Variants in PTPRT observed in about 807,000 individuals in gnomAD.
PTPRT encodes receptor-type tyrosine-protein phosphatase T.
Under a neutral mutation model 176.8 loss-of-function variants are expected in PTPRT, and 56 were observed. That is an observed-to-expected ratio of 0.32 (90% CI 0.26 to 0.40). PTPRT has a LOEUF of 0.40. PTPRT is among the 10% of genes least tolerant of loss of function. PTPRT has a pLI of 1.00. For missense variants in PTPRT, 1,540 were observed against 1,908.2 expected, an observed-to-expected ratio of 0.81 and a Z score of 3.60; for synonymous variants, 783 against 739.0, an observed-to-expected ratio of 1.06 and a Z score of -0.96.
At chr20:42,931,748 T>TTG (rs1299566793) in intron 1 of PTPRT, among the ~76,000 whole-genome samples, 1 of 152,128 alleles carries the variant, frequency 6.6e-6, no homozygotes, top group Non-Finnish European at 1.5e-5. Flanking sequence ...TCAACAAGTA[T>TTG]TTGTCAAAGG....
chr20:43,084,114 G>A (rs2011539878), intron 1 of PTPRT, among the ~76,000 whole-genome samples: 1 of 152,086 alleles, frequency 6.6e-6, no homozygotes, highest in African/African-American at 2.4e-5. Flanking sequence ...ATTACTCTTG[G>A]GTAGATGCCT....
intron 15 of PTPRT, among the ~76,000 whole-genome samples, chr20:42,214,765 G>A (rs2055728794): frequency 2.0e-5 from 3 of 152,230 alleles, no homozygotes; most frequent in Non-Finnish European, 2.9e-5. Context: ...GCAGCAGAAA[G>A]CCCGAAACAC....
At chr20:43,170,356 G>T (rs1239711450) in intron 1 of PTPRT, among the ~76,000 whole-genome samples, 1 of 152,078 alleles carries the variant, frequency 6.6e-6, no homozygotes, top group Non-Finnish European at 1.5e-5. Flanking sequence ...GAAATTTAAA[G>T]CTCAGAGAGG....
At chr20:43,042,917 T>C (rs1204510561) in intron 1 of PTPRT, among the ~76,000 whole-genome samples, 1 of 152,190 alleles carries the variant, frequency 6.6e-6, no homozygotes, top group Non-Finnish European at 1.5e-5. Context: ...ATTTTGCCTG[T>C]ACTCCAACCA....
chr20:42,256,984 A>G (rs564302451), intron 13 of PTPRT, among the ~76,000 whole-genome samples: 1 of 152,306 alleles, frequency 6.6e-6, no homozygotes, highest in South Asian at 2.1e-4. Flanking sequence ...ATCTCTTATT[A>G]AAGTCTCCCA....
At chr20:43,034,425 C>T (rs1868637579) in intron 1 of PTPRT, among the ~76,000 whole-genome samples, 1 of 151,868 alleles carries the variant, frequency 6.6e-6, no homozygotes, top group African/African-American at 2.4e-5. Context: ...CACGGGAATG[C>T]CTGGTGTGGC....
intron 2 of PTPRT, among the ~76,000 whole-genome samples, chr20:42,860,192 T>C (rs1052498565): frequency 1.3e-5 from 2 of 152,146 alleles, no homozygotes; most frequent in African/African-American, 4.8e-5. Context: ...GTCTATAACA[T>C]GTACACATGC....
At chr20:43,164,614 G>A (rs73909576) in intron 1 of PTPRT, among the ~76,000 whole-genome samples, 6,514 of 152,240 alleles carry the variant, frequency 0.043, 140 homozygotes, top group East Asian at 0.062. Flanking sequence ...CTAACACAGT[G>A]CCCACAAACC....
rs1569039036 is a variant in PTPRT at position 42,634,077 on chromosome 20, T to TATATA, written c.1153+43784_1153+43788dup. On this transcript the variant is annotated intron_variant, in intron 7 of 30. Transcript: ENST00000373187. ...TTATAAATATATAATATATATATAA[T>TATATA]ATATATATAATATAATAATATATAT... is the stretch of plus-strand genomic sequence containing the variant. Among the ~76,000 whole-genome samples, 317 of 48,398 alleles carry TATATA rather than the reference T, an allele frequency of 6.5e-3. 16 individuals carry two copies. The highest frequency in any genetic ancestry group is 0.03 in the African/African-American group (311 of 10,352). The allele number at this position is 48,398 out of a possible 152,430, so 31.8% of individuals were successfully genotyped here.
chr20:42,745,746 G>A (rs1253110482), intron 6 of PTPRT, among the ~76,000 whole-genome samples: 3 of 152,292 alleles, frequency 2.0e-5, no homozygotes, highest in Admixed American at 2.0e-4. Flanking sequence ...AATACATTAT[G>A]GAAAATTAGC....
chr20:42,606,204 C>T (rs1399055817), intron 7 of PTPRT, among the ~76,000 whole-genome samples: 7 of 151,816 alleles, frequency 4.6e-5, no homozygotes, highest in Non-Finnish European at 8.8e-5. Context: ...TGAGGGACCC[C>T]TTCCACCCCA....
the PTPRT span, among the ~76,000 whole-genome samples, chr20:42,061,218 G>A: frequency 4.6e-4 from 70 of 152,176 alleles, no homozygotes; most frequent in African/African-American, 1.6e-3. Flanking sequence ...TGTGGAACTC[G>A]GTGATCCACA....
At chr20:42,060,076 C>A in the PTPRT span, among the ~76,000 whole-genome samples, 1 of 152,178 alleles carries the variant, frequency 6.6e-6, no homozygotes, top group Admixed American at 6.5e-5. Context: ...TTGGCACTTT[C>A]TACAACCTGA....
At chr20:42,820,099 A>G (rs1256250942) in intron 2 of PTPRT, among the ~76,000 whole-genome samples, 1 of 152,242 alleles carries the variant, frequency 6.6e-6, no homozygotes. Context: ...CTCTACACCA[A>G]AATCAACAGA....
rs568623176 is a variant in PTPRT, at chr20:42,099,489, T to C, written c.3715-937A>G. ...AGTGCCACTCCAGTGAATAAAACAA[T>C]AAATTCAGTCCCGTGTTGCAGATAG... On this transcript the variant is annotated intron_variant, in intron 26 of 30. Transcript: ENST00000373187. 1.1e-3 allele frequency among the ~76,000 whole-genome samples: 143 copies of C among 128,756 alleles called. 1 individual carries two copies. In the South Asian group the frequency reaches 0.015, roughly 14 times the overall value. The allele number at this position is 128,756 out of a possible 152,430, so 84.5% of individuals were successfully genotyped here. A position where few individuals can be genotyped will look rare whatever the true frequency, so the allele number is the denominator to read the frequency against.
At chr20:43,083,341 T>TATAC (rs2011502971) in intron 1 of PTPRT, among the ~76,000 whole-genome samples, 1 of 40,666 alleles carries the variant, frequency 2.5e-5, no homozygotes, top group African/African-American at 7.0e-5. Context: ...TATATATATA[T>TATAC]ATATATATAT....
intron 9 of PTPRT, among the ~76,000 whole-genome samples, chr20:42,395,550 G>A (rs6130121): frequency 6.6e-6 from 1 of 152,050 alleles, no homozygotes; most frequent in East Asian, 1.9e-4. Context: ...AACATCTTCA[G>A]GTACTGTCTC....
chr20:42,305,850 A>T (rs2057539437), intron 12 of PTPRT, among the ~76,000 whole-genome samples: 1 of 152,212 alleles, frequency 6.6e-6, no homozygotes, highest in Non-Finnish European at 1.5e-5. Context: ...CCATTTCCAA[A>T]TTCAGAAGTT....
chr20:42,946,198 T>C (rs944528790), intron 1 of PTPRT, among the ~76,000 whole-genome samples: 9 of 152,140 alleles, frequency 5.9e-5, no homozygotes, highest in Non-Finnish European at 8.8e-5. Flanking sequence ...TCATTGCACC[T>C]GGAAATTTTC....
Sources: gnomAD v4.1 joint callset for allele counts (sites outside exome capture counted in the v4.1 genomes callset) on GRCh38, gnomAD v4.1.1 for gene constraint, MANE v1.5 for transcripts, NCBI Gene and HGNC (gene_info 2026-07-23, HGNC 2026-07-21) for gene names.